The following UNC80 variants were observed in gnomAD, a reference collection of about 807,000 sequenced individuals.
The protein encoded by UNC80 is unc-80 subunit of NALCN channel complex.
A neutral mutation model predicts 384.6 loss-of-function variants in UNC80; 164 were observed. That is an observed-to-expected ratio of 0.43 (90% CI 0.38 to 0.49). The LOEUF (loss-of-function observed/expected upper bound fraction) is 0.49. UNC80 is among the 20% of genes least tolerant of loss of function. The probability of loss-of-function intolerance (pLI) is 0.00; values close to 1 mark genes in which losing one functional copy is unlikely to be tolerated. For synonymous variants in UNC80, 1,486 were observed against 1,527.8 expected (o/e 0.97, Z 0.64); for missense variants, 3,330 against 4,143.0 (o/e 0.80, Z 5.39).
intron 22 of UNC80, among the ~76,000 whole-genome samples, chr2:209,859,173 A>G (rs1045416442): frequency 2.0e-5 from 3 of 151,246 alleles, no homozygotes; most frequent in Admixed American, 1.3e-4. Flanking sequence ...TCATCCTCTA[A>G]GTTTCCTCTC....
In UNC80 at chr2:209,894,264, C is replaced by T. The variant is rs1472113366; in HGVS notation, c.4378C>T (p.Arg1460Trp). ...KKGGSLSSIR[R>W]VGSLKSSKLS... ...GGGGGGTTCCTTGTCCAGCATTCGC[C>T]GGGTCGGCAGCTTAAAGAGCAGCAA... Residue 1460 changes from arginine to tryptophan, a missense_variant, in exon 27 of 65, where the codon CGG becomes TGG. This residue lies in a region of UNC80 where 801 missense variants were observed against 950.8 expected (regional missense o/e 0.84). Coordinates refer to ENST00000673920, the MANE Select transcript of UNC80 (RefSeq NM_001371986.1). The T allele has an allele frequency of 2.5e-5, 25 of 985,216 alleles. No individual in the cohort carries two copies. Among genetic ancestry groups the T allele is most frequent in the Admixed American group, 6.2e-5 (1 of 16,250 alleles). 61.0% of individuals were successfully genotyped at this position (985,216 alleles called of 1,614,324 possible).
chr2:209,863,295 C>G (rs1335517254), intron 22 of UNC80, among the ~76,000 whole-genome samples: 1 of 152,120 alleles, frequency 6.6e-6, no homozygotes, highest in Non-Finnish European at 1.5e-5. Flanking sequence ...CTTGGAGAAT[C>G]TGATGATTAT....
At chr2:209,980,638 T>C (rs1361828321) in intron 59 of UNC80, among the ~76,000 whole-genome samples, 1 of 152,214 alleles carries the variant, frequency 6.6e-6, no homozygotes, top group Non-Finnish European at 1.5e-5. Flanking sequence ...ATCAGACTTG[T>C]ATTAAGGCCT....
intron 24 of UNC80, among the ~76,000 whole-genome samples, chr2:209,878,470 A>G (rs764079377): frequency 5.9e-5 from 9 of 152,212 alleles, no homozygotes; most frequent in Non-Finnish European, 1.0e-4. Flanking sequence ...TTGCTCCAGG[A>G]AACAAAATCA....
intron 22 of UNC80, among the ~76,000 whole-genome samples, chr2:209,867,618 C>T (rs894844166): frequency 9.2e-5 from 14 of 152,082 alleles, no homozygotes; most frequent in Non-Finnish European, 1.8e-4. Flanking sequence ...TTCCTGAGAT[C>T]CTGGCTTTAT....
chr2:209,803,521 T>C (rs2078691100), intron 7 of UNC80, among the ~76,000 whole-genome samples: 1 of 152,218 alleles, frequency 6.6e-6, no homozygotes, highest in Non-Finnish European at 1.5e-5. Flanking sequence ...TCTCTACATT[T>C]ATTGTATTAT....
intron 48 of UNC80, among the ~76,000 whole-genome samples, chr2:209,955,720 TATATATATATATATATATACACAC>T (rs1339888560): frequency 1.3e-4 from 11 of 82,298 alleles, no homozygotes; most frequent in Admixed American, 5.8e-4. Flanking sequence ...TATATATATA[TATATATATATATATATATACACAC>T]ACACACACAC....
chr2:209,874,788 C>A (rs543451132), intron 23 of UNC80, among the ~76,000 whole-genome samples: 11 of 152,336 alleles, frequency 7.2e-5, no homozygotes, highest in African/African-American at 2.4e-4. Context: ...CCCAGACCTA[C>A]ATTGCCAGCT....
chr2:209,921,372 G>C, intron 33 of UNC80, 128 bp from the exon 34 acceptor site: 1 of 922,060 alleles, frequency 1.1e-6, no homozygotes, highest in Non-Finnish European at 1.6e-6. Flanking sequence ...CATGAAACTG[G>C]ATCATGGGTA....
At chr2:209,847,101 A>G (rs2082224822) in intron 21 of UNC80, among the ~76,000 whole-genome samples, 1 of 151,968 alleles carries the variant, frequency 6.6e-6, no homozygotes, top group African/African-American at 2.4e-5. Context: ...CTGAATTTAA[A>G]TCTTGCCTTT....
chr2:209,899,640 T>C (rs751978989), intron 28 of UNC80, among the ~76,000 whole-genome samples: 6 of 152,024 alleles, frequency 3.9e-5, no homozygotes, highest in Non-Finnish European at 7.4e-5. Flanking sequence ...AGCCTGTCCT[T>C]CCACACCCTC....
intron 51 of UNC80, among the ~76,000 whole-genome samples, chr2:209,960,028 C>A (rs548049872): frequency 6.6e-6 from 1 of 152,316 alleles, no homozygotes; most frequent in Non-Finnish European, 1.5e-5. Flanking sequence ...CTTCTCACTA[C>A]TATTTACTGC....
At chr2:209,946,206 T>A (rs1017945306) in intron 47 of UNC80, among the ~76,000 whole-genome samples, 14 of 151,804 alleles carry the variant, frequency 9.2e-5, no homozygotes, top group South Asian at 2.1e-4. Context: ...ACAAAAATTT[T>A]AAAAAATTAA....
At chr2:209,883,144 T>G (rs1397383917) in intron 25 of UNC80, among the ~76,000 whole-genome samples, 1 of 152,182 alleles carries the variant, frequency 6.6e-6, no homozygotes, top group Non-Finnish European at 1.5e-5. Flanking sequence ...CCCTAGTTGG[T>G]AGTAAAGAAA....
chr2:209,872,988 T>C lies in UNC80; in HGVS notation c.3840+18T>C. On this transcript the variant is annotated intron_variant, in intron 23 of 64. Coordinates refer to ENST00000673920, the MANE Select transcript of UNC80 (RefSeq NM_001371986.1). The surrounding 1 kb of genome is among the most constrained non-coding windows in gnomAD (Gnocchi z 4.1). ...GGGGAGACGTGAGCTTTCGGTTTTC[T>C]TCTATAACAATTAGGTTGCTTAAGT... 6.5e-7 allele frequency: 1 copy of C among 1,549,932 alleles called. No homozygotes were observed. The highest frequency in any genetic ancestry group is 8.7e-7 in the Non-Finnish European group (1 of 1,145,446).
At position 209,994,202 on chromosome 2, in the gene UNC80, C is replaced by T. The variant is rs1203845673; in HGVS notation, c.9646C>T (p.Pro3216Ser). Residue 3216 changes from proline to serine, a missense_variant, in exon 64 of 65, where the codon CCA becomes TCA. This residue lies in a region of UNC80 where 236 missense variants were observed against 254.9 expected (regional missense o/e 0.93). Transcript: ENST00000673920. ...PSRKPEAMDE[P>S]VLTSSPAIVV... ...TAGGAAACCAGAAGCAATGGACGAA[C>T]CAGTCCTCACATCTTCTCCCGCCAT... 2 of 1,551,396 alleles carry T rather than the reference C, an allele frequency of 1.3e-6. No individual in the cohort carries two copies. Among genetic ancestry groups the T allele is most frequent in the Admixed American group, 3.9e-5 (2 of 50,982 alleles).
intron 29 of UNC80, among the ~76,000 whole-genome samples, chr2:209,910,545 A>G (rs777985817): frequency 3.3e-5 from 5 of 151,900 alleles, no homozygotes; most frequent in Non-Finnish European, 5.9e-5. Context: ...AGAACACACC[A>G]TGCTTCCTAA....
intron 63 of UNC80, among the ~76,000 whole-genome samples, chr2:209,993,816 A>G (rs1226163039): frequency 6.6e-6 from 1 of 152,226 alleles, no homozygotes; most frequent in Non-Finnish European, 1.5e-5. Context: ...AACTTCAATT[A>G]ATATTCTATA....
chr2:209,946,948 G>A (rs1406096669), intron 47 of UNC80, among the ~76,000 whole-genome samples: 4 of 152,190 alleles, frequency 2.6e-5, no homozygotes, highest in Non-Finnish European at 4.4e-5. Context: ...GACACATGAG[G>A]AATGAGTAAG....
Sources: gnomAD v4.1 joint callset for allele counts (sites outside exome capture counted in the v4.1 genomes callset) on GRCh38, gnomAD v4.1.1 for gene constraint, gnomAD v4.1.1 regional missense constraint, Gnocchi (gnomAD v3.1) non-coding constraint, MANE v1.5 for transcripts, NCBI Gene and HGNC (gene_info 2026-07-23, HGNC 2026-07-21) for gene names.